The following LRRC7 variants were observed in gnomAD, a reference collection of about 807,000 sequenced individuals.
LRRC7 encodes the protein leucine-rich repeat-containing protein 7.
Under a neutral mutation model 175.7 loss-of-function variants are expected in LRRC7, and 23 were observed. The ratio of observed to expected loss-of-function variants is 0.13; its 90% CI spans 0.09 to 0.19. The LOEUF (loss-of-function observed/expected upper bound fraction) is 0.19, where lower values mean the gene tolerates loss of function less well. Among genes scored for constraint, LRRC7 ranks in the 10% least tolerant of loss-of-function variants. The pLI is 1.00. For missense variants in LRRC7, 1,354 were observed against 1,904.7 expected, an observed-to-expected ratio of 0.71 and a Z score of 5.38; for synonymous variants, 685 against 680.9, an observed-to-expected ratio of 1.01 and a Z score of -0.09.
At chr1:69,685,097 A>G (rs1660972116) in intron 2 of LRRC7, among the ~76,000 whole-genome samples, 1 of 152,214 alleles carries the variant, frequency 6.6e-6, no homozygotes. Flanking sequence ...GGATGACACC[A>G]GCAGAGTTTT....
intron 3 of LRRC7, among the ~76,000 whole-genome samples, chr1:69,780,996 T>C (rs531564943): frequency 6.6e-6 from 1 of 152,354 alleles, no homozygotes; most frequent in East Asian, 1.9e-4. Flanking sequence ...GCTAATTTTA[T>C]TTTTTCTAAG....
intron 7 of LRRC7, among the ~76,000 whole-genome samples, chr1:69,856,516 A>G (rs1683647259): frequency 6.6e-6 from 1 of 152,212 alleles, no homozygotes; most frequent in Admixed American, 6.5e-5. Context: ...AATCTAGAAG[A>G]AATGGATGAA....
intron 11 of LRRC7, among the ~76,000 whole-genome samples, chr1:70,005,250 C>G (rs12040896): frequency 0.077 from 11,701 of 152,092 alleles, 511 homozygotes; most frequent in African/African-American, 0.13. Flanking sequence ...ACGCCTGTCT[C>G]AATATTTTCC....
intron 7 of LRRC7, among the ~76,000 whole-genome samples, chr1:69,847,158 T>C (rs960433055): frequency 6.6e-6 from 1 of 152,218 alleles, no homozygotes; most frequent in East Asian, 1.9e-4. Flanking sequence ...TCCACAAGGA[T>C]TAGGAAAGGC....
rs1459463598 is a variant in LRRC7, at chr1:69,836,894, G to C, written c.591-1333G>C. Among the ~76,000 whole-genome samples the C allele has an allele frequency of 2.7e-5, 4 of 149,720 alleles. No individual in the cohort carries two copies. In the East Asian group the frequency reaches 7.9e-4, roughly 29 times the overall value. ...TGATAGGAGGCAAAAAAAAAAGAAA[G>C]GAAAGAGATCTACATGAAAACCTAA... On this transcript the variant is annotated intron_variant, in intron 6 of 26. Transcript: ENST00000651989.
chr1:70,065,235 T>C (rs953683505), intron 23 of LRRC7, among the ~76,000 whole-genome samples: 4 of 152,010 alleles, frequency 2.6e-5, no homozygotes, highest in African/African-American at 9.7e-5. Flanking sequence ...TTTTAGTTCT[T>C]ACTAAGATCT....
At chr1:69,931,354 T>G in intron 7 of LRRC7, 153 bp from the exon 8 acceptor site, 1 of 616,212 alleles carries the variant, frequency 1.6e-6, no homozygotes, top group South Asian at 2.0e-5. Context: ...TTGCATAGAT[T>G]TTGTGTATTT....
At position 70,130,344 on chromosome 1, in the gene LRRC7, G is replaced by C. The variant is rs1404318467; in HGVS notation, c.*8457G>C. The C allele has an allele frequency of 6.6e-6, 1 of 152,152 alleles. No individual in the cohort carries two copies. The highest frequency in any genetic ancestry group is 1.5e-5 in the Non-Finnish European group (1 of 68,034). The allele number at this position is 152,152 out of a possible 1,614,324, so 9.4% of individuals were successfully genotyped here. ...TAGTATAGGTTCTCAATAAATATTTGTGTAATTATTAAGTGGATGACAGGC... is the reference window on the plus strand; with the variant it reads ...TAGTATAGGTTCTCAATAAATATTTCTGTAATTATTAAGTGGATGACAGGC... On this transcript the variant is annotated 3_prime_UTR_variant, in exon 27 of 27. Coordinates refer to ENST00000651989, the MANE Select transcript of LRRC7 (RefSeq NM_001370785.2).
intron 2 of LRRC7, among the ~76,000 whole-genome samples, chr1:69,681,202 T>C (rs1660444343): frequency 6.6e-6 from 1 of 152,126 alleles, no homozygotes; most frequent in Non-Finnish European, 1.5e-5. Flanking sequence ...TGTTTTTCTG[T>C]GATTCTACAG....
intron 1 of LRRC7, among the ~76,000 whole-genome samples, chr1:69,604,011 T>G (rs1647199384): frequency 6.6e-6 from 1 of 152,074 alleles, no homozygotes; most frequent in African/African-American, 2.4e-5. Flanking sequence ...GTGTAAAAAA[T>G]TCGAATATCA....
At chr1:69,911,657 A>G (rs1303923083) in intron 7 of LRRC7, among the ~76,000 whole-genome samples, 5 of 152,200 alleles carry the variant, frequency 3.3e-5, no homozygotes, top group Non-Finnish European at 5.9e-5. Context: ...TAGTTGCAAA[A>G]GAAATTTGGA....
intron 7 of LRRC7, among the ~76,000 whole-genome samples, chr1:69,895,410 T>C (rs952715608): frequency 6.6e-6 from 1 of 152,156 alleles, no homozygotes; most frequent in Non-Finnish European, 1.5e-5. Context: ...TTATAATATA[T>C]ACAAACTCAC....
chr1:69,865,489 T>TTTTTTTTTTTTC, intron 7 of LRRC7, among the ~76,000 whole-genome samples: 1 of 118,414 alleles, frequency 8.4e-6, no homozygotes, highest in South Asian at 3.3e-4. Flanking sequence ...TTTTTTTTTT[T>TTTTTTTTTTTTC]TTTTTGAAAC....
In LRRC7 at chr1:70,141,149, G is replaced by A. The variant is rs1417893866; in HGVS notation, c.*19262G>A. ...AAGAGATAACAAAAGATGTAGATAA[G>A]AGGACATTGTTAACTGGTGGCTGCA... On this transcript the variant is annotated 3_prime_UTR_variant, in exon 27 of 27. Transcript: ENST00000651989. 6.6e-6 allele frequency among the ~76,000 whole-genome samples: 1 copy of A among 152,140 alleles called. No individual in the cohort carries two copies. The highest frequency in any genetic ancestry group is 2.4e-5 in the African/African-American group (1 of 41,442).
chr1:69,850,636 G>A (rs995061121), intron 7 of LRRC7, among the ~76,000 whole-genome samples: 26 of 152,064 alleles, frequency 1.7e-4, no homozygotes, highest in African/African-American at 6.3e-4. Flanking sequence ...CCTTGCTGAT[G>A]GACAGAATGC....
rs147473385 is a variant in LRRC7 at position 69,830,000 on chromosome 1, T to C, written c.500+4174T>C. On this transcript the variant is annotated intron_variant, in intron 5 of 26. Coordinates refer to ENST00000651989, the MANE Select transcript of LRRC7 (RefSeq NM_001370785.2). ...TGGGAAAAGCAAGAACTAACATTTA[T>C]TGAGAACCTATGTCTTAAACTTTTA... Among the ~76,000 whole-genome samples the C allele has an allele frequency of 3.9e-3, 596 of 151,930 alleles. 3 individuals carry two copies. The highest frequency in any genetic ancestry group is 0.013 in the African/African-American group (551 of 41,550).
At chr1:69,765,161 AG>A (rs1671487611) in intron 3 of LRRC7, among the ~76,000 whole-genome samples, 1 of 152,118 alleles carries the variant, frequency 6.6e-6, no homozygotes, top group African/African-American at 2.4e-5. Context: ...TATTTTTATT[AG>A]AAGCAACCCT....
intron 7 of LRRC7, among the ~76,000 whole-genome samples, chr1:69,909,309 A>G (rs1646438099): frequency 6.6e-6 from 1 of 152,094 alleles, no homozygotes; most frequent in Non-Finnish European, 1.5e-5. Context: ...TGGTCCTGTC[A>G]TTATGATGTT....
At chr1:69,983,601 A>G (rs1009238839) in intron 9 of LRRC7, among the ~76,000 whole-genome samples, 1 of 152,196 alleles carries the variant, frequency 6.6e-6, no homozygotes, top group African/African-American at 2.4e-5. Context: ...CCATCCAATG[A>G]TCAGTCAATG....
Sources: gnomAD v4.1 joint callset for allele counts (sites outside exome capture counted in the v4.1 genomes callset) on GRCh38, gnomAD v4.1.1 for gene constraint, MANE v1.5 for transcripts, NCBI Gene and HGNC (gene_info 2026-07-23, HGNC 2026-07-21) for gene names.